Variants in SYNPR observed in about 807,000 individuals in gnomAD.
The protein encoded by SYNPR is synaptoporin.
In SYNPR, 23 loss-of-function variants were observed where a neutral mutation model predicts 32.9. The observed-to-expected ratio is 0.70, with a 90% CI of 0.50 to 0.99. The LOEUF is 0.99. Among genes scored for constraint, SYNPR ranks in the 50% least tolerant of loss-of-function variants. SYNPR has a pLI of 0.00. For missense variants in SYNPR, 318 were observed against 349.3 expected (o/e 0.91, Z 0.71); for synonymous variants, 146 against 135.9 (o/e 1.07, Z -0.52).
rs146629325 is a variant in SYNPR, at chr3:63,391,163, G to A, written c.85-89669G>A. Among the ~76,000 whole-genome samples the A allele has an allele frequency of 1.8e-4, 27 of 152,274 alleles. No homozygotes were observed. In the East Asian group the frequency reaches 5.0e-3, roughly 28 times the overall value. On this transcript the variant is annotated intron_variant, in intron 2 of 5. Transcript: ENST00000478300. The stretch of plus-strand genomic sequence containing the variant: ...CTCTCTATCTTTATTCAGGGCCTTA[G>A]CCAGGCTTGAGAATGGAGCTATCTA...
intron 2 of SYNPR, among the ~76,000 whole-genome samples, chr3:63,463,362 C>G (rs1044046184): frequency 8.5e-5 from 13 of 152,058 alleles, no homozygotes; most frequent in African/African-American, 2.9e-4. Flanking sequence ...TCTAAAGGAC[C>G]TGATTTATGG....
intron 2 of SYNPR, among the ~76,000 whole-genome samples, chr3:63,472,387 T>C (rs6790592): frequency 0.29 from 43,889 of 151,976 alleles, 6,604 homozygotes; most frequent in East Asian, 0.43. Context: ...ATTTCTACTT[T>C]AGGATGTTGT....
chr3:63,287,065 C>T (rs559461365), intron 2 of SYNPR, among the ~76,000 whole-genome samples: 1 of 152,102 alleles, frequency 6.6e-6, no homozygotes, highest in South Asian at 2.1e-4. Flanking sequence ...CCTTCCATGC[C>T]AGTCTCTTTG....
At chr3:63,425,903 C>G (rs1405382160) in intron 2 of SYNPR, among the ~76,000 whole-genome samples, 5 of 151,896 alleles carry the variant, frequency 3.3e-5, no homozygotes, top group African/African-American at 1.2e-4. Context: ...CTGCCTCAGC[C>G]TCCTGAGTAG....
intron 2 of SYNPR, among the ~76,000 whole-genome samples, chr3:63,314,411 C>A (rs2087018409): frequency 6.6e-6 from 1 of 151,838 alleles, no homozygotes; most frequent in African/African-American, 2.4e-5. Flanking sequence ...TATGGCCATT[C>A]TTGCATGAGT....
chr3:63,370,979 G>C (rs554443159), intron 2 of SYNPR, among the ~76,000 whole-genome samples: 1 of 152,072 alleles, frequency 6.6e-6, no homozygotes, highest in African/African-American at 2.4e-5. Flanking sequence ...CTGCTCTCAC[G>C]GACAGAAGAA....
At chr3:63,271,806 A>G (rs1045295823) in intron 3 of SYNPR, among the ~76,000 whole-genome samples, 4 of 152,048 alleles carry the variant, frequency 2.6e-5, no homozygotes, top group Admixed American at 2.6e-4. Context: ...GCATCTATAT[A>G]TATCTATATA....
chr3:63,491,531 AT>A lies in SYNPR; in HGVS notation c.209+10584del, dbSNP rs535931113. Among the ~76,000 whole-genome samples, 870 of 151,434 alleles carry A rather than the reference AT, an allele frequency of 5.7e-3. 6 individuals carry two copies. Among genetic ancestry groups the A allele is most frequent in the African/African-American group, 0.02 (814 of 41,268 alleles). On this transcript the variant is annotated intron_variant, in intron 3 of 5. Coordinates refer to ENST00000478300, the MANE Select transcript of SYNPR (RefSeq NM_001130003.2). ...GTTTATGTGTATATGCATATATATA[AT>A]TTTTTTTTGAGACAGTCTTGCTCTG... is the stretch of plus-strand genomic sequence containing the variant.
In SYNPR at chr3:63,396,378, T is replaced by A. The variant is rs1178193307; in HGVS notation, c.85-84454T>A. Among the ~76,000 whole-genome samples, 4 of 152,282 alleles carry A rather than the reference T, an allele frequency of 2.6e-5. No individual in the cohort carries two copies. The East Asian group carries it at 7.7e-4, about 29-fold the overall frequency. ...TGAGGAAGAAGATTATAAAATCAACTCTGTGAGCAAGTCAATATCCCATGT... is the reference window on the plus strand; with the variant it reads ...TGAGGAAGAAGATTATAAAATCAACACTGTGAGCAAGTCAATATCCCATGT... On this transcript the variant is annotated intron_variant, in intron 2 of 5. Transcript: ENST00000478300.
At chr3:63,429,668 T>C (rs1307284551) in intron 2 of SYNPR, among the ~76,000 whole-genome samples, 2 of 152,230 alleles carry the variant, frequency 1.3e-5, no homozygotes, top group East Asian at 1.9e-4. Flanking sequence ...ATGGAAAACA[T>C]TTTAACAGTT....
intron 4 of SYNPR, among the ~76,000 whole-genome samples, chr3:63,599,589 A>C (rs923818742): frequency 2.0e-5 from 3 of 152,180 alleles, no homozygotes; most frequent in Non-Finnish European, 4.4e-5. Flanking sequence ...AGTGCACTCT[A>C]TGATGTTCAC....
intron 2 of SYNPR, among the ~76,000 whole-genome samples, chr3:63,336,554 A>AAAAAAAAAAAAAAC: frequency 1.2e-5 from 1 of 86,846 alleles, no homozygotes; most frequent in East Asian, 2.7e-4. Context: ...AAAAAAAAAA[A>AAAAAAAAAAAAAAC]AAAAAAAAGA....
chr3:63,515,837 C>T (rs1024782779), intron 3 of SYNPR, among the ~76,000 whole-genome samples: 4 of 151,892 alleles, frequency 2.6e-5, no homozygotes, highest in Admixed American at 6.6e-5. Flanking sequence ...TTTTTTCACA[C>T]GAAAAAGGTA....
chr3:63,570,757 T>C (rs574465407), intron 4 of SYNPR, among the ~76,000 whole-genome samples: 4 of 152,346 alleles, frequency 2.6e-5, no homozygotes, highest in South Asian at 4.1e-4. Context: ...TGCACTTTCA[T>C]TGGATGTGGT....
At chr3:63,460,804 G>A (rs1239704836) in intron 2 of SYNPR, among the ~76,000 whole-genome samples, 1 of 152,004 alleles carries the variant, frequency 6.6e-6, no homozygotes, top group Admixed American at 6.6e-5. Flanking sequence ...CTTGTATTCT[G>A]GAAAGACAGC....
At chr3:63,343,109 G>A (rs1023189780) in intron 2 of SYNPR, among the ~76,000 whole-genome samples, 6 of 152,100 alleles carry the variant, frequency 3.9e-5, no homozygotes, top group Non-Finnish European at 5.9e-5. Context: ...CAGAGAAGGC[G>A]ACAAGTTTGG....
chr3:63,528,178 C>T (rs1216037831), intron 3 of SYNPR, among the ~76,000 whole-genome samples: 1 of 152,136 alleles, frequency 6.6e-6, no homozygotes, highest in Non-Finnish European at 1.5e-5. Flanking sequence ...TTGATCATCC[C>T]TCATCATTAA....
At chr3:63,329,954 T>A (rs754933539) in intron 2 of SYNPR, 1 of 152,084 alleles carries the variant, frequency 6.6e-6, no homozygotes, top group African/African-American at 2.4e-5. Flanking sequence ...TGATATCAGG[T>A]TGTGTACAGG....
chr3:63,572,000 T>C (rs1702895833), intron 4 of SYNPR, among the ~76,000 whole-genome samples: 1 of 152,178 alleles, frequency 6.6e-6, no homozygotes, highest in Non-Finnish European at 1.5e-5. Context: ...ATTCAGTAAG[T>C]GCTTATCAAA....
Sources: allele counts gnomAD v4.1 joint callset (sites outside exome capture counted in the v4.1 genomes callset), GRCh38; gene constraint gnomAD v4.1.1; transcripts MANE v1.5; gene names NCBI Gene and HGNC (gene_info 2026-07-23, HGNC 2026-07-21).